The following SVIL variants were observed in gnomAD, a reference collection of about 807,000 sequenced individuals.
SVIL encodes the protein supervillin, also known as archvillin.
A neutral mutation model predicts 240.4 loss-of-function variants in SVIL; 101 were observed. The observed-to-expected ratio is 0.42, with a 90% confidence interval of 0.36 to 0.50. The LOEUF is 0.50. Among genes scored for constraint, SVIL ranks in the 20% least tolerant of loss-of-function variants. The pLI, the probability that SVIL is intolerant of heterozygous loss-of-function variation, is 0.01. For missense variants in SVIL, 2,512 were observed against 2,818.7 expected, an observed-to-expected ratio of 0.89 and a Z score of 2.46; for synonymous variants, 999 against 1,100.0, an observed-to-expected ratio of 0.91 and a Z score of 1.82.
chr10:29,730,960 G>A (rs1474820212), intron 1 of SVIL, among the ~76,000 whole-genome samples: 1 of 152,206 alleles, frequency 6.6e-6, no homozygotes, highest in Admixed American at 6.5e-5. Context: ...GAGACAAGCA[G>A]GCCTAGGTAG....
chr10:29,522,851 T>C (rs1950651545), intron 15 of SVIL, among the ~76,000 whole-genome samples: 1 of 152,224 alleles, frequency 6.6e-6, no homozygotes, highest in African/African-American at 2.4e-5. Context: ...TTCGTGGCAA[T>C]TGGTTTCTCT....
intron 2 of SVIL, among the ~76,000 whole-genome samples, chr10:29,663,128 A>G (rs1157285242): frequency 1.3e-5 from 2 of 152,170 alleles, no homozygotes; most frequent in Non-Finnish European, 2.9e-5. Context: ...TAATAGTAAT[A>G]ATAAAAGAAT....
At chr10:29,560,815 G>A (rs1954387680) in intron 3 of SVIL, among the ~76,000 whole-genome samples, 1 of 149,858 alleles carries the variant, frequency 6.7e-6, no homozygotes, top group Non-Finnish European at 1.5e-5. Context: ...GAATTTAGGT[G>A]AAATTCAGGG....
At chr10:29,672,719 G>A (rs966579916) in intron 2 of SVIL, among the ~76,000 whole-genome samples, 2 of 151,830 alleles carry the variant, frequency 1.3e-5, no homozygotes, top group African/African-American at 4.8e-5. Context: ...TTCCTGCAGA[G>A]TGGGAAGTTC....
intron 1 of SVIL, among the ~76,000 whole-genome samples, chr10:29,699,365 A>G (rs17544592): frequency 0.61 from 92,279 of 151,424 alleles, 28,442 homozygotes; most frequent in Admixed American, 0.69. Flanking sequence ...AATGCAGTGC[A>G]ATCTTGGCTC....
chr10:29,597,668 G>A (rs1210047449), intron 1 of SVIL, among the ~76,000 whole-genome samples: 1 of 152,082 alleles, frequency 6.6e-6, no homozygotes, highest in Non-Finnish European at 1.5e-5. Flanking sequence ...CCAAAGTGCT[G>A]GGATTACAGG....
intron 28 of SVIL, among the ~76,000 whole-genome samples, chr10:29,481,133 G>GGTGTGTGTGTGTGTGTGTGT (rs57479630): frequency 3.3e-4 from 46 of 141,398 alleles, no homozygotes; most frequent in African/African-American, 1.0e-3. Context: ...TAGCTTTAAG[G>GGTGTGTGTGTGTGTGTGTGT]GTGTGTGTGT....
At chr10:29,508,159 G>T (rs1949517928) in intron 17 of SVIL, 2 of 332,828 alleles carry the variant, frequency 6.0e-6, no homozygotes, top group Admixed American at 7.9e-5. Flanking sequence ...TTCATTACAT[G>T]ATTAAAAAAT....
chr10:29,543,691 C>T (rs1012725239), intron 6 of SVIL, among the ~76,000 whole-genome samples: 1 of 152,126 alleles, frequency 6.6e-6, no homozygotes, highest in Non-Finnish European at 1.5e-5. Context: ...TCCATCTCTC[C>T]CCTCTCCCCT....
At chr10:29,651,122 C>A (rs1219936650) in intron 3 of SVIL, among the ~76,000 whole-genome samples, 2 of 152,060 alleles carry the variant, frequency 1.3e-5, no homozygotes, top group Non-Finnish European at 2.9e-5. Flanking sequence ...CGAACCCCAG[C>A]CTCACACCAC....
Position 29,541,957 on chromosome 10 carries a change from G to A in SVIL, c.828-5888C>T, listed in dbSNP as rs535373246. Reference sequence around the variant, plus strand: ...CAGACAAAGCAGAAAGAGCTTTGTCGTATAAACAAGTGCTGCTCACAGTGC... The same window carrying A: ...CAGACAAAGCAGAAAGAGCTTTGTCATATAAACAAGTGCTGCTCACAGTGC... On this transcript the variant is annotated intron_variant, in intron 6 of 37. Coordinates refer to ENST00000355867, the MANE Select transcript of SVIL (RefSeq NM_021738.3). Among the ~76,000 whole-genome samples, 10 of 152,254 alleles carry A rather than the reference G, an allele frequency of 6.6e-5. No individual in the cohort carries two copies. The South Asian group carries it at 8.3e-4, about 13-fold the overall frequency.
At chr10:29,513,984 A>T (rs1378130114) in intron 16 of SVIL, among the ~76,000 whole-genome samples, 3 of 45,088 alleles carry the variant, frequency 6.7e-5, no homozygotes, top group Non-Finnish European at 4.5e-5. Context: ...GATAAAAGGT[A>T]AAAAAAAAAA....
chr10:29,558,474 A>ATAT (rs1356505297), intron 3 of SVIL, among the ~76,000 whole-genome samples: 2 of 152,134 alleles, frequency 1.3e-5, no homozygotes, highest in Non-Finnish European at 1.5e-5. Context: ...AATTACCAAG[A>ATAT]TATGCCTCAT....
At chr10:29,499,443 T>TG (rs201861924) in intron 17 of SVIL, among the ~76,000 whole-genome samples, 180 bp from the exon 18 acceptor site, 8 of 152,174 alleles carry the variant, frequency 5.3e-5, no homozygotes, top group Non-Finnish European at 1.0e-4. Flanking sequence ...CCAGGTTGGG[T>TG]GGAGATCACC....
chr10:29,705,865 A>C (rs1962855510), intron 1 of SVIL, among the ~76,000 whole-genome samples: 1 of 152,062 alleles, frequency 6.6e-6, no homozygotes, highest in Non-Finnish European at 1.5e-5. Context: ...TATGTGCCAC[A>C]TTTTCTTTGT....
rs1331608989 is a variant in SVIL at position 29,491,167 on chromosome 10, G to A, written c.4020-148C>T. ...ACCGCCACTCCCCTGACATGGAGTC[G>A]TAGAATCTTGGAGATGGAAGAGGGA... On this transcript the variant is annotated intron_variant, in intron 21 of 37. Transcript: ENST00000355867. 58 of 916,704 alleles carry A rather than the reference G, an allele frequency of 6.3e-5. 1 individual carries two copies. The highest frequency in any genetic ancestry group is 5.9e-5 in the Admixed American group (2 of 34,150). The allele number at this position is 916,704 out of a possible 1,614,324, so 56.8% of individuals were successfully genotyped here.
chr10:29,644,884 G>A (rs971763387), intron 3 of SVIL, among the ~76,000 whole-genome samples: 9 of 152,004 alleles, frequency 5.9e-5, no homozygotes, highest in South Asian at 2.1e-4. Flanking sequence ...AAACTGGGGC[G>A]TGGGAGGATG....
chr10:29,569,229 C>T (rs1955255307), intron 2 of SVIL, 26 bp downstream of exon 2: 1 of 976,858 alleles, frequency 1.0e-6, no homozygotes, highest in South Asian at 4.7e-5. Context: ...CAAAATTTCA[C>T]AGTTGTTGAG....
intron 1 of SVIL, among the ~76,000 whole-genome samples, chr10:29,731,981 C>T (rs1250464186): frequency 2.6e-5 from 4 of 152,250 alleles, no homozygotes; most frequent in African/African-American, 7.2e-5. Context: ...ATGGAAGCGA[C>T]GGCCCAGCGC....
Sources: allele counts gnomAD v4.1 joint callset (sites outside exome capture counted in the v4.1 genomes callset), GRCh38; gene constraint gnomAD v4.1.1; transcripts MANE v1.5; gene names NCBI Gene and HGNC (gene_info 2026-07-23, HGNC 2026-07-21).